ZNF737: variants seen among roughly 807,000 people sequenced by gnomAD.
ZNF737 encodes zinc finger protein 737, also known as zinc finger protein 102 (Y3).
In ZNF737, 13 loss-of-function variants were observed where a neutral mutation model predicts 11.7. That is an observed-to-expected ratio of 1.11 (90% CI 0.73 to 1.77). The LOEUF is 1.77. ZNF737 is among the 40% of genes most tolerant of loss of function. The pLI, the probability that ZNF737 is intolerant of heterozygous loss-of-function variation, is 0.00. For missense variants in ZNF737, 636 were observed against 638.0 expected (o/e 1.00, Z 0.03); for synonymous variants, 217 against 216.2 (o/e 1.00, Z -0.03).
At chr19:20,537,027 C>T (rs373185726), downstream of ZNF737, among the ~76,000 whole-genome samples, 11 of 152,042 alleles carry the variant, frequency 7.2e-5, no homozygotes, top group South Asian at 4.2e-4. Context: ...CGCTTAAACC[C>T]GAAAGCCAGA....
At chr19:20,562,883 GATTTCAGGGTAAGACATCC>G (rs1417374769) in intron 1 of ZNF737, among the ~76,000 whole-genome samples, 1 of 151,982 alleles carries the variant, frequency 6.6e-6, no homozygotes, top group African/African-American at 2.4e-5. Flanking sequence ...AGAACATGCT[GATTTCAGGGTAAGACATCC>G]TCTGATCTAA....
chr19:20,537,511 AT>A (rs1163609628), downstream of ZNF737, among the ~76,000 whole-genome samples: 189 of 77,088 alleles, frequency 2.5e-3, 1 homozygote, highest in East Asian at 0.02. Context: ...CTGGTTTTCT[AT>A]TTTTTTTTTT....
At chr19:20,556,266 G>A (rs1352388565) in intron 1 of ZNF737, among the ~76,000 whole-genome samples, 1 of 152,094 alleles carries the variant, frequency 6.6e-6, no homozygotes, top group Non-Finnish European at 1.5e-5. Flanking sequence ...TCACCTTACA[G>A]TCACATAAGG....
rs1968218720 is a variant in ZNF737, at chr19:20,541,851, T to TA, written c.*2740dup. ...ATTACACTATTGGTAATACAAAAGA[T>TA]AAATGCTAGAGGTGATGGATACCTT... is the stretch of plus-strand genomic sequence containing the variant. On this transcript the variant is annotated 3_prime_UTR_variant, in exon 4 of 4. Coordinates refer to ENST00000427401, the MANE Select transcript of ZNF737 (RefSeq NM_001159293.2). The TA allele has an allele frequency of 5.0e-6, 1 of 198,172 alleles. No homozygotes were observed. Among genetic ancestry groups the TA allele is most frequent in the Non-Finnish European group, 9.1e-6 (1 of 110,246 alleles). 12.3% of individuals were successfully genotyped at this position (198,172 alleles called of 1,614,324 possible). A position where few individuals can be genotyped will look rare whatever the true frequency, so the allele number is the denominator to read the frequency against.
At position 20,545,078 on chromosome 19, in the gene ZNF737, G is replaced by A; in HGVS notation, c.1125C>T (p.Gly375=). ...GEKPYKCEEC[G]KAFNWSSHLT... ...GGTGTGAGGACCAGTTGAAGGCTTTGCCACATTCTTCACATTTGTAGGGTT... is the reference window on the plus strand; with the variant it reads ...GGTGTGAGGACCAGTTGAAGGCTTTACCACATTCTTCACATTTGTAGGGTT... The change falls in exon 4 of 4, where the codon GGC becomes GGT. Residue 375 remains glycine, a synonymous_variant. Coordinates refer to ENST00000427401, the MANE Select transcript of ZNF737 (RefSeq NM_001159293.2). 1 of 1,612,710 alleles carries A rather than the reference G, an allele frequency of 6.2e-7. No individual in the cohort carries two copies. The highest frequency in any genetic ancestry group is 8.5e-7 in the Non-Finnish European group (1 of 1,179,270).
Position 20,539,737 on chromosome 19 carries a change from T to C in ZNF737, c.*4855A>G. The C allele has an allele frequency of 1.0e-6, 1 of 984,710 alleles. No individual in the cohort carries two copies. The highest frequency in any genetic ancestry group is 1.2e-6 in the Non-Finnish European group (1 of 829,282). 61.0% of individuals were successfully genotyped at this position (984,710 alleles called of 1,614,324 possible). A position where few individuals can be genotyped will look rare whatever the true frequency, so the allele number is the denominator to read the frequency against. On this transcript the variant is annotated 3_prime_UTR_variant, in exon 4 of 4. Transcript: ENST00000427401. ...TATGAAAACAGACAATTAGGTATAC[T>C]TTTTGAAGTAAGTTCAATTTTAGGA...
chr19:20,539,026 T>G lies in ZNF737; in HGVS notation c.*5566A>C. The G allele has an allele frequency of 1.0e-6, 1 of 984,644 alleles. No homozygotes were observed. The allele number at this position is 984,644 out of a possible 1,614,324, so 61.0% of individuals were successfully genotyped here. ...CCAAAATTATTCTGGCTGGGAAAAG[T>G]GGCTCATGCCTGTAATCCCAGCACT... On this transcript the variant is annotated 3_prime_UTR_variant, in exon 4 of 4. Coordinates refer to ENST00000427401, the MANE Select transcript of ZNF737 (RefSeq NM_001159293.2).
downstream of ZNF737, chr19:20,536,080 A>C (rs960984115): frequency 3.1e-4 from 304 of 985,222 alleles, 6 homozygotes; most frequent in Non-Finnish European, 2.7e-4. Flanking sequence ...ATTCACTATT[A>C]TTCAATGTGG....
chr19:20,550,488 A>C (rs1968622309), intron 3 of ZNF737, among the ~76,000 whole-genome samples: 1 of 152,252 alleles, frequency 6.6e-6, no homozygotes, highest in Non-Finnish European at 1.5e-5. Context: ...GAGAACATAG[A>C]AAGTAAAAAT....
intron 1 of ZNF737, 76 bp from the exon 2 acceptor site, chr19:20,553,911 A>G: frequency 1.3e-6 from 2 of 1,544,352 alleles, no homozygotes; most frequent in Non-Finnish European, 1.8e-6. Flanking sequence ...AGTTCAAATG[A>G]GAGAGTAAAG....
chr19:20,551,744 C>G (rs974163520), intron 3 of ZNF737, among the ~76,000 whole-genome samples: 1 of 150,522 alleles, frequency 6.6e-6, no homozygotes, highest in African/African-American at 2.4e-5. Context: ...AAAATGTTTA[C>G]AATAAAAAAA....
chr19:20,540,316 G>A lies in ZNF737; in HGVS notation c.*4276C>T, dbSNP rs1464254454. 3.3e-5 allele frequency: 8 copies of A among 240,104 alleles called. No homozygotes were observed. The highest frequency in any genetic ancestry group is 4.7e-5 in the African/African-American group (2 of 42,922). The allele number at this position is 240,104 out of a possible 1,614,324, so 14.9% of individuals were successfully genotyped here. A position where few individuals can be genotyped will look rare whatever the true frequency, so the allele number is the denominator to read the frequency against. ...CCATTTTGATAAACACAAAGTCTAC[G>A]GATGAGTAACCTAATTTCATAAGTG... On this transcript the variant is annotated 3_prime_UTR_variant, in exon 4 of 4. Transcript: ENST00000427401.
chr19:20,530,557 G>A, the ZNF737 span, among the ~76,000 whole-genome samples: 60,455 of 142,634 alleles, frequency 0.42, 14,699 homozygotes, highest in East Asian at 0.7. Flanking sequence ...CAGATGGGGC[G>A]GCCGGGCAGA....
chr19:20,538,928 A>G lies in ZNF737; in HGVS notation c.*5664T>C. Reference sequence around the variant, plus strand: ...ACTCTAAATTGAGACTACATTTACAATCTTCAGTTTTTCAGTGTTAAAGCA... The same window carrying G: ...ACTCTAAATTGAGACTACATTTACAGTCTTCAGTTTTTCAGTGTTAAAGCA... On this transcript the variant is annotated 3_prime_UTR_variant, in exon 4 of 4. Coordinates refer to ENST00000427401, the MANE Select transcript of ZNF737 (RefSeq NM_001159293.2). 2.0e-6 allele frequency: 2 copies of G among 985,388 alleles called. No individual in the cohort carries two copies. Among genetic ancestry groups the G allele is most frequent in the Non-Finnish European group, 2.4e-6 (2 of 829,884 alleles). 61.0% of individuals were successfully genotyped at this position (985,388 alleles called of 1,614,324 possible). A position where few individuals can be genotyped will look rare whatever the true frequency, so the allele number is the denominator to read the frequency against.
rs1968428271 is a variant in ZNF737, at chr19:20,545,689, G to A, written c.514C>T (p.Pro172Ser). 6.2e-7 allele frequency: 1 copy of A among 1,613,356 alleles called. No homozygotes were observed. The highest frequency in any genetic ancestry group is 1.7e-5 in the Admixed American group (1 of 59,872). The part of the protein sequence containing the change: ...RHKIRHTGKK[P>S]FKCIECGKAF... ...TTGCCACATTCTATACATTTGAAAG[G>A]TTTTTTTCCAGTATGTCTTATCTTA... The change falls in exon 4 of 4, where the codon CCT becomes TCT. Residue 172 changes from proline to serine, a missense_variant. Pro to Ser is a moderately conservative substitution (Grantham distance 74, BLOSUM62 -1). Transcript: ENST00000427401.
chr19:20,534,453 A>ATTATC (rs1555753434), downstream of ZNF737, among the ~76,000 whole-genome samples: 2 of 144,626 alleles, frequency 1.4e-5, no homozygotes, highest in Admixed American at 6.9e-5. Context: ...AAAAGAAAAA[A>ATTATC]TATCTATCTA....
chr19:20,555,118 C>A (rs1968838400), intron 1 of ZNF737, among the ~76,000 whole-genome samples: 1 of 152,152 alleles, frequency 6.6e-6, no homozygotes, highest in Admixed American at 6.5e-5. Flanking sequence ...CCACCTCGAC[C>A]TTCCAAGGTG....
At position 20,539,036 on chromosome 19, in the gene ZNF737, C is replaced by T. The variant is rs1285643790; in HGVS notation, c.*5556G>A. ...TCTGGCTGGGAAAAGTGGCTCATGC[C>T]TGTAATCCCAGCACTCTGGGAGGCT... On this transcript the variant is annotated 3_prime_UTR_variant, in exon 4 of 4. Transcript: ENST00000427401. 17 of 981,196 alleles carry T rather than the reference C, an allele frequency of 1.7e-5. No homozygotes were observed. The highest frequency in any genetic ancestry group is 5.2e-4 in the Middle Eastern group (1 of 1,928). The allele number at this position is 981,196 out of a possible 1,614,324, so 60.8% of individuals were successfully genotyped here. A position where few individuals can be genotyped will look rare whatever the true frequency, so the allele number is the denominator to read the frequency against.
At position 20,538,555 on chromosome 19, in the gene ZNF737, T is replaced by G; in HGVS notation, c.*6037A>C. ...GTGTACTCGTGGCAAAACTGCTTTCTGCAAAAAGTAAAAATGGCCTTGCTA... is the reference window on the plus strand; with the variant it reads ...GTGTACTCGTGGCAAAACTGCTTTCGGCAAAAAGTAAAAATGGCCTTGCTA... On this transcript the variant is annotated 3_prime_UTR_variant, in exon 4 of 4. Transcript: ENST00000427401. 3 of 814,302 alleles carry G rather than the reference T, an allele frequency of 3.7e-6. No individual in the cohort carries two copies. Among genetic ancestry groups the G allele is most frequent in the Non-Finnish European group, 4.5e-6 (3 of 673,880 alleles). 50.4% of individuals were successfully genotyped at this position (814,302 alleles called of 1,614,324 possible).
Sources: gnomAD v4.1 joint callset for allele counts (sites outside exome capture counted in the v4.1 genomes callset) on GRCh38, gnomAD v4.1.1 for gene constraint, MANE v1.5 for transcripts, NCBI Gene and HGNC (gene_info 2026-07-23, HGNC 2026-07-21) for gene names.